SLC25A21: variants seen among roughly 807,000 people sequenced by gnomAD.
The protein encoded by SLC25A21 is mitochondrial 2-oxodicarboxylate carrier.
Under a neutral mutation model 43.8 loss-of-function variants are expected in SLC25A21, and 47 were observed. The observed-to-expected ratio is 1.07, with a 90% CI of 0.85 to 1.37. The LOEUF is 1.37. SLC25A21 is among the 40% of genes most tolerant of loss of function. The probability of loss-of-function intolerance (pLI) is 0.00; values close to 1 mark genes in which losing one functional copy is unlikely to be tolerated. For missense variants in SLC25A21, 352 were observed against 350.2 expected (o/e 1.00, Z -0.04); for synonymous variants, 131 against 121.3 (o/e 1.08, Z -0.52).
chr14:36,891,924 C>T (rs1339664398), intron 1 of SLC25A21, among the ~76,000 whole-genome samples: 1 of 152,146 alleles, frequency 6.6e-6, no homozygotes, highest in Non-Finnish European at 1.5e-5. Flanking sequence ...AGATTCTGTG[C>T]TGACCTGGAA....
At chr14:36,701,903 A>G (rs1883294465) in intron 7 of SLC25A21, among the ~76,000 whole-genome samples, 1 of 152,188 alleles carries the variant, frequency 6.6e-6, no homozygotes, top group African/African-American at 2.4e-5. Flanking sequence ...CTAGAGATTG[A>G]GAAACCAGAG....
chr14:36,686,184 T>C (rs1461203941), intron 7 of SLC25A21, among the ~76,000 whole-genome samples: 1 of 152,150 alleles, frequency 6.6e-6, no homozygotes, highest in Non-Finnish European at 1.5e-5. Context: ...GAAACTCCTA[T>C]GTGGCTAAAT....
intron 3 of SLC25A21, among the ~76,000 whole-genome samples, chr14:36,775,994 T>A (rs1048170160): frequency 6.6e-6 from 1 of 152,120 alleles, no homozygotes; most frequent in Non-Finnish European, 1.5e-5. Flanking sequence ...CATTTTTCTA[T>A]CCTTGCCCTA....
chr14:37,091,879 G>A (rs1461769678), intron 1 of SLC25A21, among the ~76,000 whole-genome samples: 1 of 152,166 alleles, frequency 6.6e-6, no homozygotes, highest in East Asian at 1.9e-4. Flanking sequence ...TGTAATCCTA[G>A]TACTTTGGGA....
chr14:37,127,974 A>G (rs1963326240), intron 1 of SLC25A21, among the ~76,000 whole-genome samples: 1 of 152,202 alleles, frequency 6.6e-6, no homozygotes, highest in Non-Finnish European at 1.5e-5. Context: ...ATTCTCAGAT[A>G]AGAAACCTAA....
rs544779833 is a variant in SLC25A21 at position 36,773,020 on chromosome 14, C to A, written c.204-38447G>T. 2.6e-5 allele frequency among the ~76,000 whole-genome samples: 4 copies of A among 152,264 alleles called. No homozygotes were observed. The South Asian group carries it at 8.3e-4, about 32-fold the overall frequency. The stretch of plus-strand genomic sequence containing the variant: ...ATTAAGAGATTGGGAGATTGCTGAA[C>A]ACCGTTCAGAAGAAAAAGATGGTGA... On this transcript the variant is annotated intron_variant, in intron 3 of 9. Transcript: ENST00000331299.
At chr14:36,857,488 C>A (rs935686907) in intron 2 of SLC25A21, among the ~76,000 whole-genome samples, 1 of 152,172 alleles carries the variant, frequency 6.6e-6, no homozygotes, top group Non-Finnish European at 1.5e-5. Flanking sequence ...GACCTTGCCC[C>A]CTTTCCACAA....
chr14:36,800,692 C>T (rs139148227), intron 3 of SLC25A21, among the ~76,000 whole-genome samples: 3 of 152,046 alleles, frequency 2.0e-5, no homozygotes, highest in East Asian at 3.9e-4. Context: ...TTACTTAGGG[C>T]CACTGAACTG....
At chr14:36,961,234 C>G (rs141948516) in intron 1 of SLC25A21, among the ~76,000 whole-genome samples, 1 of 151,228 alleles carries the variant, frequency 6.6e-6, no homozygotes, top group African/African-American at 2.4e-5. Flanking sequence ...TTTTTTGAGA[C>G]GGAGCCTCGC....
intron 1 of SLC25A21, among the ~76,000 whole-genome samples, chr14:36,986,785 G>T (rs1299427895): frequency 5.3e-5 from 8 of 152,096 alleles, no homozygotes; most frequent in Middle Eastern, 3.4e-3. Context: ...TTATTTCTTT[G>T]TTTTTTGCCC....
intron 1 of SLC25A21, among the ~76,000 whole-genome samples, chr14:36,918,387 A>G (rs1224358124): frequency 5.3e-5 from 8 of 152,158 alleles, no homozygotes; most frequent in Admixed American, 3.9e-4. Flanking sequence ...TAAACTTAAA[A>G]TGATAAGCAC....
At chr14:36,929,845 G>C (rs887470550) in intron 1 of SLC25A21, among the ~76,000 whole-genome samples, 3 of 152,114 alleles carry the variant, frequency 2.0e-5, no homozygotes, top group Admixed American at 6.5e-5. Flanking sequence ...GATGAATATG[G>C]GCTGGGTGGT....
At chr14:37,087,577 A>G (rs1041688775) in intron 1 of SLC25A21, among the ~76,000 whole-genome samples, 1 of 152,104 alleles carries the variant, frequency 6.6e-6, no homozygotes, top group African/African-American at 2.4e-5. Context: ...GATGCTATTT[A>G]TTTTTCCTTC....
intron 1 of SLC25A21, among the ~76,000 whole-genome samples, chr14:37,053,007 AC>A (rs1961743523): frequency 6.6e-6 from 1 of 152,168 alleles, no homozygotes; most frequent in Admixed American, 6.5e-5. Flanking sequence ...ACGATTTTTG[AC>A]AGCTTTATTG....
At chr14:36,771,536 C>CA (rs1309891091) in intron 3 of SLC25A21, among the ~76,000 whole-genome samples, 1 of 152,144 alleles carries the variant, frequency 6.6e-6, no homozygotes, top group Non-Finnish European at 1.5e-5. Context: ...CGCAAGGACT[C>CA]AGACGCTCTT....
intron 1 of SLC25A21, among the ~76,000 whole-genome samples, chr14:37,122,207 A>C (rs1221412999): frequency 3.9e-5 from 6 of 152,216 alleles, no homozygotes; most frequent in Non-Finnish European, 7.4e-5. Flanking sequence ...AATATGCTTT[A>C]GGTTAAGAAG....
At chr14:37,125,674 T>C (rs1300020145) in intron 1 of SLC25A21, among the ~76,000 whole-genome samples, 2 of 152,332 alleles carry the variant, frequency 1.3e-5, no homozygotes, top group East Asian at 1.9e-4. Context: ...TGGTAGGATA[T>C]CAATTATTTC....
intron 3 of SLC25A21, among the ~76,000 whole-genome samples, chr14:36,812,130 A>G (rs1888291659): frequency 6.6e-6 from 1 of 152,206 alleles, no homozygotes; most frequent in Non-Finnish European, 1.5e-5. Context: ...CAATTCACAA[A>G]AGAAATGATA....
intron 1 of SLC25A21, among the ~76,000 whole-genome samples, chr14:36,969,326 G>T (rs1175425103): frequency 1.3e-5 from 2 of 152,174 alleles, no homozygotes; most frequent in East Asian, 3.9e-4. Context: ...CTTCGAGCCT[G>T]GTCCTCCCAT....
Sources: gnomAD v4.1 joint callset for allele counts (sites outside exome capture counted in the v4.1 genomes callset) on GRCh38, gnomAD v4.1.1 for gene constraint, MANE v1.5 for transcripts, NCBI Gene and HGNC (gene_info 2026-07-23, HGNC 2026-07-21) for gene names.